The following IKZF1 variants were observed in gnomAD, a reference collection of about 807,000 sequenced individuals.
IKZF1 encodes DNA-binding protein Ikaros.
A neutral mutation model predicts 51.7 loss-of-function variants in IKZF1; 10 were observed. That is an observed-to-expected ratio of 0.19 (90% CI 0.12 to 0.33). IKZF1 has a LOEUF of 0.33. Among genes scored for constraint, IKZF1 ranks in the 10% least tolerant of loss-of-function variants. The pLI is 1.00. For missense variants in IKZF1, 484 were observed against 707.5 expected (o/e 0.68, Z 3.58); for synonymous variants, 280 against 282.3 (o/e 0.99, Z 0.08).
At chr7:50,348,921 C>T (rs760400431) in intron 3 of IKZF1, among the ~76,000 whole-genome samples, 16 of 152,160 alleles carry the variant, frequency 1.1e-4, no homozygotes, top group Non-Finnish European at 2.4e-4. Context: ...CCTTTCTATG[C>T]TTCACAGATG....
At chr7:50,377,960 C>T (rs1285991167) in intron 4 of IKZF1, among the ~76,000 whole-genome samples, 2 of 152,190 alleles carry the variant, frequency 1.3e-5, no homozygotes, top group African/African-American at 4.8e-5. Context: ...AAAGGCCTAG[C>T]AGATTCTATA....
intron 2 of IKZF1, among the ~76,000 whole-genome samples, chr7:50,321,800 A>G (rs1318955946): frequency 2.0e-5 from 3 of 152,130 alleles, no homozygotes; most frequent in Non-Finnish European, 2.9e-5. Flanking sequence ...TCTTGTCTTT[A>G]CCATAATACA....
chr7:50,308,819 G>A (rs1789437608), intron 1 of IKZF1: 1 of 152,318 alleles, frequency 6.6e-6, no homozygotes, highest in Non-Finnish European at 1.5e-5. Context: ...GGTCTGAGGG[G>A]AACTCCGAGC....
In IKZF1 at chr7:50,400,413, T is replaced by A. The variant is rs780621105; in HGVS notation, c.1346T>A (p.Leu449His). 6.2e-7 allele frequency: 1 copy of A among 1,613,668 alleles called. No homozygotes were observed. The highest frequency in any genetic ancestry group is 8.5e-7 in the Non-Finnish European group (1 of 1,179,800). Reference protein sequence around the residue: ...RAASENSQDALRVVSTSGEQM... With the variant: ...RAASENSQDAHRVVSTSGEQM... ...GCCTCCGAGAACTCGCAGGACGCGC[T>A]CCGCGTGGTCAGCACCAGCGGGGAG... Residue 449 changes from leucine to histidine, a missense_variant, in exon 8 of 8, where the codon CTC (leucine) becomes CAC (histidine). Physicochemically the swap from Leu to His is moderately conservative, Grantham distance 99. Coordinates refer to ENST00000331340, the MANE Select transcript of IKZF1 (RefSeq NM_006060.6). This position sits in a 1 kb window ranked among gnomAD's most constrained non-coding sequence, Gnocchi z 5.4.
chr7:50,325,549 A>C (rs1374116551), intron 2 of IKZF1, among the ~76,000 whole-genome samples: 2 of 152,190 alleles, frequency 1.3e-5, no homozygotes, highest in Admixed American at 6.5e-5. Context: ...CAAGGCAGGC[A>C]GATCACGAGG....
At chr7:50,379,143 A>T (rs1043435788) in intron 4 of IKZF1, among the ~76,000 whole-genome samples, 4 of 152,202 alleles carry the variant, frequency 2.6e-5, no homozygotes, top group African/African-American at 9.7e-5. Flanking sequence ...AAGCATTCCT[A>T]ACAAGCTCCC....
intron 3 of IKZF1, among the ~76,000 whole-genome samples, chr7:50,343,508 C>T (rs1379868616): frequency 6.6e-6 from 1 of 152,128 alleles, no homozygotes; most frequent in East Asian, 1.9e-4. Context: ...GTCACAACTA[C>T]ACAAATCTCT....
In IKZF1 at chr7:50,307,559, A is replaced by G. The variant is rs569198232; in HGVS notation, c.-15+2637A>G. On this transcript the variant is annotated intron_variant, in intron 1 of 7. Coordinates refer to ENST00000331340, the MANE Select transcript of IKZF1 (RefSeq NM_006060.6). The stretch of plus-strand genomic sequence containing the variant: ...CTGGTGTCTCTATGTTCATAACTAC[A>G]GAGACTTCAGCTCTATTCCATTTCA... 2.0e-5 allele frequency among the ~76,000 whole-genome samples: 3 copies of G among 152,336 alleles called. No homozygotes were observed. The South Asian group carries it at 6.2e-4, about 32-fold the overall frequency.
intron 3 of IKZF1, among the ~76,000 whole-genome samples, chr7:50,359,193 C>T (rs1480089872): frequency 1.3e-5 from 2 of 152,134 alleles, no homozygotes; most frequent in Non-Finnish European, 2.9e-5. Context: ...CCCAAGAGGT[C>T]AAGACTGCAG....
At chr7:50,343,987 G>A (rs1394430825) in intron 3 of IKZF1, among the ~76,000 whole-genome samples, 2 of 152,300 alleles carry the variant, frequency 1.3e-5, no homozygotes, top group South Asian at 4.1e-4. Context: ...GAAGTCGTGA[G>A]AATTGCTTTC....
intron 7 of IKZF1, among the ~76,000 whole-genome samples, chr7:50,398,201 A>G (rs1421213394): frequency 6.6e-6 from 1 of 152,194 alleles, no homozygotes. Flanking sequence ...ACATTGGGGA[A>G]GTTTTGACTT....
At chr7:50,317,271 G>A (rs1251110027) in intron 1 of IKZF1, among the ~76,000 whole-genome samples, 1 of 152,258 alleles carries the variant, frequency 6.6e-6, no homozygotes, top group Non-Finnish European at 1.5e-5. Flanking sequence ...GACCCGGTGT[G>A]TGATAGGCCG....
chr7:50,319,998 T>G (rs375162299), intron 2 of IKZF1, among the ~76,000 whole-genome samples: 1 of 152,168 alleles, frequency 6.6e-6, no homozygotes, highest in African/African-American at 2.4e-5. Flanking sequence ...GGAGAGGATC[T>G]TCTGAGTTCC....
chr7:50,387,027 C>T (rs925674904), intron 5 of IKZF1, among the ~76,000 whole-genome samples: 6 of 152,146 alleles, frequency 3.9e-5, no homozygotes, highest in South Asian at 2.1e-4. Flanking sequence ...CTGGCATCCA[C>T]GTTATAACAC....
At chr7:50,363,250 TG>T (rs1284402204) in intron 3 of IKZF1, among the ~76,000 whole-genome samples, 1 of 152,188 alleles carries the variant, frequency 6.6e-6, no homozygotes, top group Non-Finnish European at 1.5e-5. Context: ...ACCAGGGCCC[TG>T]GGCATATTTC....
chr7:50,306,590 T>G (rs1788851800), intron 1 of IKZF1, among the ~76,000 whole-genome samples: 1 of 152,216 alleles, frequency 6.6e-6, no homozygotes, highest in Non-Finnish European at 1.5e-5. Context: ...CTGGATGTGT[T>G]AGGTTTGACC....
chr7:50,356,699 C>T (rs541065488), intron 3 of IKZF1, among the ~76,000 whole-genome samples: 11 of 152,310 alleles, frequency 7.2e-5, no homozygotes, highest in Admixed American at 2.0e-4. Context: ...TGGTATCTCG[C>T]GGCGGCTTCC....
chr7:50,388,767 G>A (rs2153491835), intron 6 of IKZF1, among the ~76,000 whole-genome samples: 1 of 152,304 alleles, frequency 6.6e-6, no homozygotes, highest in East Asian at 1.9e-4. Context: ...GGATGATTAT[G>A]TTCCTTTGAA....
intron 1 of IKZF1, among the ~76,000 whole-genome samples, chr7:50,313,502 C>A (rs1379358601): frequency 1.3e-5 from 2 of 152,160 alleles, no homozygotes; most frequent in Non-Finnish European, 2.9e-5. Flanking sequence ...TAGTTTCTAG[C>A]AGTATATAAG....
Sources: gnomAD v4.1 joint callset for allele counts (sites outside exome capture counted in the v4.1 genomes callset) on GRCh38, gnomAD v4.1.1 for gene constraint, Gnocchi (gnomAD v3.1) non-coding constraint, MANE v1.5 for transcripts, NCBI Gene and HGNC (gene_info 2026-07-23, HGNC 2026-07-21) for gene names.